KDM2B: variants seen among roughly 807,000 people sequenced by gnomAD.
KDM2B encodes lysine-specific demethylase 2B.
A neutral mutation model predicts 150.0 loss-of-function variants in KDM2B; 26 were observed. The observed-to-expected ratio is 0.17, with a 90% CI of 0.13 to 0.24. KDM2B has a LOEUF of 0.24. Ranked by LOEUF, KDM2B falls within the 10% of genes least tolerant of loss-of-function variation. The pLI is 1.00. For synonymous variants in KDM2B, 734 were observed against 729.5 expected (o/e 1.01, Z -0.10); for missense variants, 1,265 against 1,816.9 (o/e 0.70, Z 5.52).
rs554173369 is a variant in KDM2B, at chr12:121,570,438, G to A, written c.397+4109C>T. Among the ~76,000 whole-genome samples, 6 of 152,136 alleles carry A rather than the reference G, an allele frequency of 3.9e-5. No individual in the cohort carries two copies. In the South Asian group the frequency reaches 1.2e-3, roughly 32 times the overall value. The stretch of plus-strand genomic sequence containing the variant: ...TGGCCTCAATCGATCCTCCTACCTT[G>A]GCCTCCCAAAGTGCTGGAACTAGCA... On this transcript the variant is annotated intron_variant, in intron 4 of 22. Transcript: ENST00000377071.
chr12:121,423,541 T>C, the KDM2B span: 1 of 1,614,166 alleles, frequency 6.2e-7, no homozygotes, highest in Non-Finnish European at 8.5e-7. This position sits in a 1 kb window ranked among gnomAD's most constrained non-coding sequence, Gnocchi z 4.3. Context: ...CTGCCGGCAG[T>C]ATGTGGTGCG....
the KDM2B span, among the ~76,000 whole-genome samples, chr12:121,412,391 C>T: frequency 6.6e-6 from 1 of 151,434 alleles, no homozygotes. Context: ...AGGTGCCCGC[C>T]ACCACGCCAG....
the KDM2B span, among the ~76,000 whole-genome samples, chr12:121,421,189 T>C: frequency 6.6e-6 from 1 of 151,952 alleles, no homozygotes; most frequent in African/African-American, 2.4e-5. Context: ...ACATAGTTCT[T>C]AGCATCAACT....
chr12:121,443,683 C>A lies in KDM2B; in HGVS notation c.2562G>T (p.Gln854His), dbSNP rs549053222. 5.5e-5 allele frequency: 89 copies of A among 1,605,406 alleles called. No homozygotes were observed. Among genetic ancestry groups the A allele is most frequent in the South Asian group, 3.5e-4 (32 of 90,932 alleles). Residue 854 changes from glutamine to histidine, a missense_variant, in exon 17 of 23, where the codon CAG becomes CAT. Physicochemically the swap from Gln to His is conservative, Grantham distance 24. Coordinates refer to ENST00000377071, the MANE Select transcript of KDM2B (RefSeq NM_032590.5). ...AGGGCGTGCGTCGTGGGAGCACCTG[C>A]TGCTGGAAGTAAGTGAGACTGGATC... ...WWRSSLTYFQ[Q>H]QLKPGKEDKL... is the part of the protein sequence containing the mutation.
chr12:121,422,781 A>G, the KDM2B span, among the ~76,000 whole-genome samples: 1 of 152,110 alleles, frequency 6.6e-6, no homozygotes, highest in African/African-American at 2.4e-5. Flanking sequence ...ATTTTCTCAG[A>G]TGTAAAGGTG....
At chr12:121,566,309 A>G (rs1890701734) in intron 4 of KDM2B, among the ~76,000 whole-genome samples, 1 of 152,022 alleles carries the variant, frequency 6.6e-6, no homozygotes, top group African/African-American at 2.4e-5. Context: ...CAACATGGTG[A>G]AACTCCGTCT....
intron 12 of KDM2B, among the ~76,000 whole-genome samples, chr12:121,465,620 C>G (rs529760036): frequency 6.6e-6 from 1 of 152,218 alleles, no homozygotes; most frequent in African/African-American, 2.4e-5. Flanking sequence ...ATAAGTCTTG[C>G]AGTGTCAAAG....
Position 121,549,075 on chromosome 12 carries a change from C to T in KDM2B, c.577-92G>A. 1.0e-6 allele frequency: 1 copy of T among 969,720 alleles called. No homozygotes were observed. Among genetic ancestry groups the T allele is most frequent in the Non-Finnish European group, 1.6e-6 (1 of 622,890 alleles). 60.1% of individuals were successfully genotyped at this position (969,720 alleles called of 1,614,324 possible). On this transcript the variant is annotated intron_variant, in intron 5 of 22. Coordinates refer to ENST00000377071, the MANE Select transcript of KDM2B (RefSeq NM_032590.5). This position sits in a 1 kb window ranked among gnomAD's most constrained non-coding sequence, Gnocchi z 4.4. ...CCCGGAGAGTCCTTGGGCCCCCCCG[C>T]TCCCCCAATCTACTGTGGGCTCAAT...
At chr12:121,473,037 G>C (rs1338956345) in intron 12 of KDM2B, among the ~76,000 whole-genome samples, 1 of 152,072 alleles carries the variant, frequency 6.6e-6, no homozygotes, top group African/African-American at 2.4e-5. Context: ...GGAGAAATAA[G>C]ATCTGAAGTT....
At chr12:121,416,006 T>C in the KDM2B span, among the ~76,000 whole-genome samples, 1 of 152,144 alleles carries the variant, frequency 6.6e-6, no homozygotes, top group Non-Finnish European at 1.5e-5. Flanking sequence ...GAAAATTCTT[T>C]CCAAATGGCT....
intron 4 of KDM2B, among the ~76,000 whole-genome samples, chr12:121,561,695 G>C (rs1005423820): frequency 1.1e-4 from 17 of 152,230 alleles, no homozygotes; most frequent in African/African-American, 4.1e-4. Flanking sequence ...TGGAAGCATT[G>C]TGTTCTCCCA....
chr12:121,532,190 C>A (rs1395033015), intron 8 of KDM2B, among the ~76,000 whole-genome samples: 1 of 152,052 alleles, frequency 6.6e-6, no homozygotes, highest in African/African-American at 2.4e-5. Flanking sequence ...AGGACTATCA[C>A]CTCTCTCATC....
intron 8 of KDM2B, among the ~76,000 whole-genome samples, chr12:121,527,173 G>A (rs1887212669): frequency 2.0e-5 from 3 of 150,460 alleles, no homozygotes; most frequent in South Asian, 4.2e-4. Context: ...TCAGCCTCCC[G>A]AGCAGCTGGT....
intron 6 of KDM2B, among the ~76,000 whole-genome samples, chr12:121,546,569 T>TG (rs552027978): frequency 2.1e-4 from 32 of 150,240 alleles, no homozygotes; most frequent in Middle Eastern, 3.4e-3. Flanking sequence ...GGTTTTTTTT[T>TG]TTTGTTTGTT....
At chr12:121,479,005 C>T (rs1422906967) in intron 12 of KDM2B, among the ~76,000 whole-genome samples, 5 of 151,792 alleles carry the variant, frequency 3.3e-5, no homozygotes, top group Admixed American at 2.0e-4. Context: ...GTTTGAGCCA[C>T]GGCACTGGCC....
Position 121,513,349 on chromosome 12 carries a change from C to T in KDM2B, c.1101G>A (p.Leu367=), listed in dbSNP as rs1555304337. 1 of 1,613,508 alleles carries T rather than the reference C, an allele frequency of 6.2e-7. No individual in the cohort carries two copies. Among genetic ancestry groups the T allele is most frequent in the East Asian group, 2.2e-5 (1 of 44,870 alleles). ...PFYYEMCWYV[L]ERYVYCVTQR... The stretch of plus-strand genomic sequence containing the variant: ...GGGTCACACAGTACACGTATCTCTC[C>T]AGGACATACCAGCACATCTCATAGT... Residue 367 remains leucine, a synonymous_variant, in exon 10 of 23, where the codon CTG becomes CTA. Coordinates refer to ENST00000377071, the MANE Select transcript of KDM2B (RefSeq NM_032590.5). This position sits in a 1 kb window ranked among gnomAD's most constrained non-coding sequence, Gnocchi z 5.0.
intron 22 of KDM2B, chr12:121,433,312 C>T (rs1247668376): frequency 1.2e-5 from 5 of 402,096 alleles, no homozygotes; most frequent in Non-Finnish European, 2.0e-5. Context: ...CCTGCTGGCG[C>T]GTGGGGCCCG....
At chr12:121,428,936 C>T (rs370735185), downstream of KDM2B, among the ~76,000 whole-genome samples, 15 of 152,154 alleles carry the variant, frequency 9.9e-5, no homozygotes, top group African/African-American at 3.6e-4. Flanking sequence ...ATGAGCAGCT[C>T]TTCTCCTTAA....
chr12:121,434,834 G>A (rs1873703155), intron 22 of KDM2B, among the ~76,000 whole-genome samples: 1 of 152,162 alleles, frequency 6.6e-6, no homozygotes, highest in Non-Finnish European at 1.5e-5. Context: ...GCACGTGCCT[G>A]TAGTCCCAGC....
Sources: gnomAD v4.1 joint callset for allele counts (sites outside exome capture counted in the v4.1 genomes callset) on GRCh38, gnomAD v4.1.1 for gene constraint, Gnocchi (gnomAD v3.1) non-coding constraint, MANE v1.5 for transcripts, NCBI Gene and HGNC (gene_info 2026-07-23, HGNC 2026-07-21) for gene names.